DPY19L4: variants seen among roughly 807,000 people sequenced by gnomAD.
DPY19L4 encodes the protein dpy-19 like 4.
A neutral mutation model predicts 102.8 loss-of-function variants in DPY19L4; 97 were observed. That is an observed-to-expected ratio of 0.94 (90% CI 0.80 to 1.12). The LOEUF is 1.12. Ranked by LOEUF, DPY19L4 falls within the 50% of genes most tolerant of loss-of-function variation. The pLI is 0.00. For missense variants in DPY19L4, 815 were observed against 850.4 expected (o/e 0.96, Z 0.52); for synonymous variants, 252 against 283.1 (o/e 0.89, Z 1.10).
chr8:94,737,588 C>T (rs1292563752), intron 3 of DPY19L4, among the ~76,000 whole-genome samples: 12 of 151,834 alleles, frequency 7.9e-5, no homozygotes, highest in Admixed American at 7.9e-4. Flanking sequence ...TTGAGACCAT[C>T]CTGGCTAACA....
intron 13 of DPY19L4, among the ~76,000 whole-genome samples, chr8:94,777,257 G>T (rs1378898659): frequency 6.6e-6 from 1 of 151,892 alleles, no homozygotes; most frequent in Admixed American, 6.6e-5. Flanking sequence ...GGTAGAGACA[G>T]GGTTTCACTG....
intron 6 of DPY19L4, among the ~76,000 whole-genome samples, chr8:94,755,550 G>A (rs919372378): frequency 4.6e-5 from 7 of 152,174 alleles, no homozygotes. Flanking sequence ...TGGGGGCAGC[G>A]GGGGCTGGGG....
Position 94,777,759 on chromosome 8 carries a change from A to G in DPY19L4, c.1548A>G (p.Arg516=), listed in dbSNP as rs143288617. The part of the protein sequence containing the change: ...ELWMTLFKWL[R]LRTVHPILLA... ...GGATGACACTTTTCAAGTGGCTTCG[A>G]TTAAGAACTGTACACCCAATATTGT... Residue 516 remains arginine (R), a synonymous_variant, in exon 14 of 19, where the codon CGA becomes CGG. Coordinates refer to ENST00000414645, the MANE Select transcript of DPY19L4 (RefSeq NM_181787.3). 2.4e-5 allele frequency: 39 copies of G among 1,614,020 alleles called. No individual in the cohort carries two copies. The African/African-American group carries it at 4.9e-4, about 20-fold the overall frequency.
chr8:94,753,867 C>T (rs537070452), intron 6 of DPY19L4, among the ~76,000 whole-genome samples: 3 of 151,788 alleles, frequency 2.0e-5, no homozygotes, highest in East Asian at 3.9e-4. Context: ...AGCAAGACTC[C>T]GTTTCAAAAA....
chr8:94,761,762 C>G lies in DPY19L4; in HGVS notation c.798C>G (p.Ser266Arg). The change falls in exon 8 of 19, where the codon AGC (serine) becomes AGG (arginine). Residue 266 changes from serine (S) to arginine (R), a missense_variant. Physicochemically the swap from Ser to Arg is moderately radical, Grantham distance 110. Coordinates refer to ENST00000414645, the MANE Select transcript of DPY19L4 (RefSeq NM_181787.3). Reference protein sequence around the residue: ...TYTFMMMWEYSHYLLFLQAIS... With the variant: ...TYTFMMMWEYRHYLLFLQAIS... ...CATTTATGATGATGTGGGAGTATAG[C>G]CACTATCTCCTGTTTCTTCAAGCAA... 6 of 1,611,954 alleles carry G rather than the reference C, an allele frequency of 3.7e-6. No homozygotes were observed. Among genetic ancestry groups the G allele is most frequent in the Non-Finnish European group, 5.1e-6 (6 of 1,179,130 alleles).
chr8:94,747,499 A>G (rs1811728234), intron 6 of DPY19L4, among the ~76,000 whole-genome samples: 1 of 150,598 alleles, frequency 6.6e-6, no homozygotes, highest in Non-Finnish European at 1.5e-5. Flanking sequence ...CTTTGGCAAT[A>G]GTGAGTTCCA....
intron 7 of DPY19L4, among the ~76,000 whole-genome samples, chr8:94,760,269 A>G (rs1020379964): frequency 3.9e-5 from 6 of 152,194 alleles, no homozygotes; most frequent in Non-Finnish European, 8.8e-5. Context: ...TGCCCAGTAC[A>G]TTAATTAGGC....
rs111495852 is a variant in DPY19L4 at position 94,751,920 on chromosome 8, A to G, written c.612-4116A>G. Among the ~76,000 whole-genome samples, 576 of 152,156 alleles carry G rather than the reference A, an allele frequency of 3.8e-3. 2 individuals are homozygous for G. Among genetic ancestry groups the G allele is most frequent in the African/African-American group, 0.013 (544 of 41,522 alleles). The stretch of plus-strand genomic sequence containing the variant: ...CTCAGCATAATTTTGGTATTCATGT[A>G]TGTTGTTTATATTAATAGTTCATTC... On this transcript the variant is annotated intron_variant, in intron 6 of 18. Coordinates refer to ENST00000414645, the MANE Select transcript of DPY19L4 (RefSeq NM_181787.3).
At chr8:94,780,988 CTG>C in intron 15 of DPY19L4, 94 bp from the exon 16 acceptor site, 1 of 996,272 alleles carries the variant, frequency 1.0e-6, no homozygotes, top group Non-Finnish European at 1.4e-6. Flanking sequence ...TTAAGTTAGT[CTG>C]TTAGTCTTTT....
At chr8:94,746,961 C>T (rs1811701110) in intron 6 of DPY19L4, among the ~76,000 whole-genome samples, 1 of 152,080 alleles carries the variant, frequency 6.6e-6, no homozygotes, top group Non-Finnish European at 1.5e-5. Context: ...CAACTGGGTG[C>T]TGTGAATGAC....
intron 8 of DPY19L4, among the ~76,000 whole-genome samples, chr8:94,764,697 A>G (rs753145009): frequency 0.021 from 777 of 37,070 alleles, 20 homozygotes; most frequent in African/African-American, 0.072. Context: ...GTGTATATAT[A>G]TATATATATA....
At chr8:94,735,520 T>C (rs528143275) in intron 3 of DPY19L4, among the ~76,000 whole-genome samples, 1 of 152,320 alleles carries the variant, frequency 6.6e-6, no homozygotes, top group South Asian at 2.1e-4. Context: ...CAACAATGGA[T>C]ATATGATAGA....
At chr8:94,720,059 C>A (rs779277112) in intron 1 of DPY19L4, 45 bp downstream of exon 1, 2 of 1,512,254 alleles carry the variant, frequency 1.3e-6, no homozygotes, top group East Asian at 2.7e-5. Context: ...CCAGTGGTCT[C>A]GGGAAGGAGG....
chr8:94,783,677 G>C lies in DPY19L4; in HGVS notation c.1723G>C (p.Ala575Pro), dbSNP rs369567791. Residue 575 changes from alanine (A) to proline (P), a missense_variant, in exon 17 of 19, where the codon GCT becomes CCT. Ala to Pro is a conservative substitution (Grantham distance 27, BLOSUM62 -1). Transcript: ENST00000414645. The stretch of plus-strand genomic sequence containing the variant: ...CTTTATGGTTCTTTGCAGAAGGCAA[G>C]CTCCAGTTGCAGCTGTGTTTGCAGG... ...VELMTWIKRQAPVAAVFAGSP... is the reference protein window; with the variant it reads ...VELMTWIKRQPPVAAVFAGSP... The C allele has an allele frequency of 1.2e-6, 2 of 1,613,792 alleles. No individual in the cohort carries two copies. Among genetic ancestry groups the C allele is most frequent in the Non-Finnish European group, 1.7e-6 (2 of 1,179,950 alleles).
chr8:94,767,000 G>A (rs1812703440), intron 11 of DPY19L4, among the ~76,000 whole-genome samples: 1 of 151,580 alleles, frequency 6.6e-6, no homozygotes, highest in East Asian at 1.9e-4. Flanking sequence ...AGCCTGGGAG[G>A]TGGAGGTCAT....
rs199683806 is a variant in DPY19L4, at chr8:94,780,426, T to G, written c.1632+11T>G. On this transcript the variant is annotated intron_variant, in intron 15 of 18. Transcript: ENST00000414645. Reference sequence around the variant, plus strand: ...AGCTTATGGAAAGAGGTAAAAAAATTAGATTTTTATATTAATAAAATGTAC... The same window carrying G: ...AGCTTATGGAAAGAGGTAAAAAAATGAGATTTTTATATTAATAAAATGTAC... The G allele has an allele frequency of 4.1e-5, 59 of 1,422,904 alleles. No individual in the cohort carries two copies. The East Asian group carries it at 1.2e-3, about 29-fold the overall frequency. 88.1% of individuals were successfully genotyped at this position (1,422,904 alleles called of 1,614,324 possible).
rs1452445982 is a variant in DPY19L4, at chr8:94,739,642, T to C, written c.466-3T>C. ...TTGTTCTCTTTCTGTTTTTTCCACATAGGAGATTATTGAGCCAGTGTATTT... is the reference window on the plus strand; with the variant it reads ...TTGTTCTCTTTCTGTTTTTTCCACACAGGAGATTATTGAGCCAGTGTATTT... On this transcript the variant is annotated splice_polypyrimidine_tract_variant and splice_region_variant and intron_variant, in intron 5 of 18. Coordinates refer to ENST00000414645, the MANE Select transcript of DPY19L4 (RefSeq NM_181787.3). 1.2e-6 allele frequency: 2 copies of C among 1,613,646 alleles called. No individual in the cohort carries two copies. Among genetic ancestry groups the C allele is most frequent in the Admixed American group, 1.7e-5 (1 of 59,960 alleles).
chr8:94,778,550 C>T (rs957790024), intron 14 of DPY19L4, among the ~76,000 whole-genome samples: 1 of 152,134 alleles, frequency 6.6e-6, no homozygotes, highest in African/African-American at 2.4e-5. Context: ...CTTCCACTTT[C>T]TTCAACCTGC....
rs1381533949 is a variant in DPY19L4 at position 94,774,928 on chromosome 8, G to A, written c.1455-2738G>A. On this transcript the variant is annotated intron_variant, in intron 13 of 18. Transcript: ENST00000414645. ...TTACTTTAGATACCTCATGTAAGTGGAATCCTGTAGTGTTTATCTTTTTGT... is the reference window on the plus strand; with the variant it reads ...TTACTTTAGATACCTCATGTAAGTGAAATCCTGTAGTGTTTATCTTTTTGT... Among the ~76,000 whole-genome samples, 22 of 151,948 alleles carry A rather than the reference G, an allele frequency of 1.4e-4. No homozygotes were observed. The South Asian group carries it at 4.3e-3, about 30-fold the overall frequency.
Sources: allele counts gnomAD v4.1 joint callset (sites outside exome capture counted in the v4.1 genomes callset), GRCh38; gene constraint gnomAD v4.1.1; transcripts MANE v1.5; gene names NCBI Gene and HGNC (gene_info 2026-07-23, HGNC 2026-07-21).